Variants in STK10 observed in about 807,000 individuals in gnomAD.
STK10 encodes serine/threonine-protein kinase 10.
Under a neutral mutation model 113.8 loss-of-function variants are expected in STK10, and 78 were observed. That is an observed-to-expected ratio of 0.69 (90% CI 0.57 to 0.83). The LOEUF (loss-of-function observed/expected upper bound fraction) is 0.83. Among genes scored for constraint, STK10 ranks in the 40% least tolerant of loss-of-function variants. The pLI, the probability that STK10 is intolerant of heterozygous loss-of-function variation, is 0.00. For synonymous variants in STK10, 465 were observed against 494.7 expected (o/e 0.94, Z 0.80); for missense variants, 1,109 against 1,280.1 (o/e 0.87, Z 2.04).
chr5:172,068,407 G>A (rs1209711539), intron 12 of STK10, among the ~76,000 whole-genome samples: 1 of 151,884 alleles, frequency 6.6e-6, no homozygotes, highest in Non-Finnish European at 1.5e-5. Flanking sequence ...GTAAAATAAA[G>A]ACATTTTCAG....
At chr5:172,107,965 C>G (rs1054416441) in intron 4 of STK10, 113 bp from the exon 5 acceptor site, 1 of 816,040 alleles carries the variant, frequency 1.2e-6, no homozygotes, top group African/African-American at 1.7e-5. Flanking sequence ...CATTTTCTAT[C>G]TAGCAAATTA....
chr5:172,106,419 G>GAAA (rs1769110876), intron 6 of STK10, among the ~76,000 whole-genome samples: 2 of 102,104 alleles, frequency 2.0e-5, no homozygotes, highest in Admixed American at 1.1e-4. Flanking sequence ...AAAAAAAAAA[G>GAAA]GAACACAAAG....
intron 1 of STK10, among the ~76,000 whole-genome samples, chr5:172,159,350 G>T (rs1440933487): frequency 6.6e-6 from 1 of 152,036 alleles, no homozygotes; most frequent in Non-Finnish European, 1.5e-5. Flanking sequence ...AATAGCCCAG[G>T]CAACAGAGCG....
intron 1 of STK10, among the ~76,000 whole-genome samples, chr5:172,183,357 CCACT>C (rs1770896627): frequency 6.6e-6 from 1 of 152,180 alleles, no homozygotes; most frequent in Non-Finnish European, 1.5e-5. Flanking sequence ...TCAGCTTTTC[CCACT>C]CAATCTATCA....
intron 2 of STK10, 34 bp downstream of exon 2, chr5:172,156,590 G>C: frequency 6.3e-7 from 1 of 1,596,918 alleles, no homozygotes; most frequent in Non-Finnish European, 8.6e-7. Context: ...AGGCCATGGG[G>C]GCTGAGCTGG....
intron 2 of STK10, among the ~76,000 whole-genome samples, chr5:172,148,881 G>C (rs1770144864): frequency 6.6e-6 from 1 of 152,210 alleles, no homozygotes; most frequent in Admixed American, 6.5e-5. Flanking sequence ...CTGTAAAATG[G>C]GGGTGACAAC....
intron 4 of STK10, among the ~76,000 whole-genome samples, chr5:172,111,980 T>A (rs557519622): frequency 2.0e-5 from 3 of 152,342 alleles, no homozygotes; most frequent in African/African-American, 7.2e-5. Context: ...TGGATGCTTA[T>A]AAAAGCAACA....
chr5:172,156,304 C>A lies in STK10; in HGVS notation c.321+320G>T, dbSNP rs552518532. Among the ~76,000 whole-genome samples, 7 of 152,300 alleles carry A rather than the reference C, an allele frequency of 4.6e-5. No homozygotes were observed. In the South Asian group the frequency reaches 1.4e-3, roughly 32 times the overall value. On this transcript the variant is annotated intron_variant, in intron 2 of 18. Coordinates refer to ENST00000176763, the MANE Select transcript of STK10 (RefSeq NM_005990.4). ...CTATGAGCTAGGTACTATTATTAGC[C>A]CCACCTTACAGATGGAGAAACTAAG...
intron 18 of STK10, 83 bp downstream of exon 18, chr5:172,052,846 A>C: frequency 7.7e-7 from 1 of 1,305,568 alleles, no homozygotes. Context: ...CAAAATAAGG[A>C]GACCTAACAT....
At chr5:172,074,960 A>G (rs1768276515) in intron 12 of STK10, among the ~76,000 whole-genome samples, 1 of 151,932 alleles carries the variant, frequency 6.6e-6, no homozygotes, top group African/African-American at 2.4e-5. Context: ...TGCAGGGTGC[A>G]AGTAAGCTGA....
chr5:172,094,327 C>T (rs943245398), intron 8 of STK10, among the ~76,000 whole-genome samples: 2 of 152,090 alleles, frequency 1.3e-5, no homozygotes, highest in African/African-American at 4.8e-5. Context: ...TGTGGCCAAA[C>T]CTTCCCAGTT....
chr5:172,147,859 A>G (rs1340896956), intron 2 of STK10, among the ~76,000 whole-genome samples: 2 of 152,214 alleles, frequency 1.3e-5, no homozygotes, highest in African/African-American at 4.8e-5. Context: ...CCTGAGGCCT[A>G]ACTCACCCAA....
At chr5:172,184,195 G>A (rs140677115) in intron 1 of STK10, among the ~76,000 whole-genome samples, 280 of 152,226 alleles carry the variant, frequency 1.8e-3, no homozygotes, top group African/African-American at 6.5e-3. Context: ...TTTTGGTTTG[G>A]GTTACTTCAG....
intron 8 of STK10, among the ~76,000 whole-genome samples, 154 bp from the exon 9 acceptor site, chr5:172,094,114 T>A (rs1347554028): frequency 6.6e-6 from 1 of 152,176 alleles, no homozygotes; most frequent in Non-Finnish European, 1.5e-5. Context: ...TCTTCAGCAC[T>A]CCCTATTGCC....
chr5:172,090,117 T>G (rs1768663731), intron 10 of STK10, 115 bp downstream of exon 10: 1 of 1,462,386 alleles, frequency 6.8e-7, no homozygotes, highest in Middle Eastern at 2.5e-4. Context: ...TTTGCCTCCT[T>G]GATTCCCCCA....
At chr5:172,099,002 C>CCATCACCACCAT (rs1768918341) in intron 7 of STK10, among the ~76,000 whole-genome samples, 1 of 147,400 alleles carries the variant, frequency 6.8e-6, no homozygotes, top group African/African-American at 2.7e-5. Flanking sequence ...ACCATCATTA[C>CCATCACCACCAT]CATTACCATC....
At chr5:172,176,746 G>T (rs7702705) in intron 1 of STK10, among the ~76,000 whole-genome samples, 23,028 of 152,194 alleles carry the variant, frequency 0.15, 2,305 homozygotes, top group East Asian at 0.3. Context: ...TCTTGACTTG[G>T]TCCCTGCTAT....
At chr5:172,089,732 G>C (rs766118528) in intron 10 of STK10, among the ~76,000 whole-genome samples, 1 of 152,076 alleles carries the variant, frequency 6.6e-6, no homozygotes, top group East Asian at 1.9e-4. Flanking sequence ...TGAGTGGGTA[G>C]ATGAATCAGT....
intron 2 of STK10, among the ~76,000 whole-genome samples, chr5:172,129,141 C>G (rs1455171569): frequency 6.6e-6 from 1 of 152,182 alleles, no homozygotes; most frequent in Non-Finnish European, 1.5e-5. Context: ...AACTGGGACC[C>G]CATGGCTGGG....
Sources: allele counts gnomAD v4.1 joint callset (sites outside exome capture counted in the v4.1 genomes callset), GRCh38; gene constraint gnomAD v4.1.1; transcripts MANE v1.5; gene names NCBI Gene and HGNC (gene_info 2026-07-23, HGNC 2026-07-21).